SCIN: variants seen among roughly 807,000 people sequenced by gnomAD.
The protein encoded by SCIN is scinderin.
Under a neutral mutation model 91.8 loss-of-function variants are expected in SCIN, and 91 were observed. The observed-to-expected ratio is 0.99, with a 90% confidence interval of 0.84 to 1.18. SCIN has a LOEUF of 1.18. Ranked by LOEUF, SCIN falls within the 50% of genes most tolerant of loss-of-function variation. SCIN has a pLI of 0.00. For missense variants in SCIN, 1,087 were observed against 863.9 expected (o/e 1.26, Z -3.24); for synonymous variants, 367 against 312.6 (o/e 1.17, Z -1.84).
intron 9 of SCIN, among the ~76,000 whole-genome samples, chr7:12,634,289 C>T (rs1783703619): frequency 6.6e-6 from 1 of 151,806 alleles, no homozygotes; most frequent in Non-Finnish European, 1.5e-5. Flanking sequence ...AGTTTGAGAC[C>T]AGCCTGACCA....
Position 12,581,213 on chromosome 7 carries a change from C to T in SCIN, c.508C>T (p.Leu170Phe), listed in dbSNP as rs1782481295. 6.4e-7 allele frequency: 1 copy of T among 1,551,200 alleles called. No individual in the cohort carries two copies. The highest frequency in any genetic ancestry group is 2.4e-5 in the East Asian group (1 of 40,916). Residue 170 changes from leucine to phenylalanine, a missense_variant, in exon 3 of 16, where the codon CTT becomes TTT. By Grantham distance (22) the Leu-to-Phe change is conservative. Coordinates refer to ENST00000297029, the MANE Select transcript of SCIN (RefSeq NM_001112706.3). ...CAAGGGTGACTGCTTCATCATTGAC[C>T]TTGGCACCGTAAGTTTCATATATAC... ...FNKGDCFIIDLGTEIYQWCGS... is the reference protein window; with the variant it reads ...FNKGDCFIIDFGTEIYQWCGS...
chr7:12,581,025 T>G, intron 2 of SCIN, 35 bp from the exon 3 acceptor site: 1 of 1,543,122 alleles, frequency 6.5e-7, no homozygotes, highest in Non-Finnish European at 8.8e-7. Context: ...GTTTTCTCTT[T>G]GTTTTTTGTG....
Position 12,653,689 on chromosome 7 carries a change from A to C in SCIN, c.*974A>C, listed in dbSNP as rs936181881. The C allele has an allele frequency of 2.0e-5, 3 of 152,236 alleles. No individual in the cohort carries two copies. Among genetic ancestry groups the C allele is most frequent in the Non-Finnish European group, 2.9e-5 (2 of 68,034 alleles). 9.4% of individuals were successfully genotyped at this position (152,236 alleles called of 1,614,324 possible). On this transcript the variant is annotated 3_prime_UTR_variant, in exon 16 of 16. Coordinates refer to ENST00000297029, the MANE Select transcript of SCIN (RefSeq NM_001112706.3). This position sits in a 1 kb window ranked among gnomAD's most constrained non-coding sequence, Gnocchi z 4.1. ...ACATGTTTAATATCACAGGAGATCA[A>C]AAAGACAATGCACAGGGGAGTATCC...
chr7:12,601,358 AT>A (rs1782954618), intron 3 of SCIN, among the ~76,000 whole-genome samples: 1 of 152,142 alleles, frequency 6.6e-6, no homozygotes, highest in Non-Finnish European at 1.5e-5. Context: ...AGAAGAATCC[AT>A]TTCTCTGGAT....
intron 1 of SCIN, chr7:12,571,209 G>T (rs952107586): frequency 1.4e-5 from 8 of 575,412 alleles, no homozygotes; most frequent in African/African-American, 1.9e-5. Context: ...GACTTACCTC[G>T]CAGGCTTTGA....
chr7:12,640,382 A>G lies in SCIN; in HGVS notation c.1446A>G (p.Leu482=), dbSNP rs1175739223. ...CCCAAGGCAAAGAGCCTGTTCACCT[A>G]CTGAGTTTGTTCAAAGACAAACCGC... ...RVSQGKEPVH[L]LSLFKDKPLI... Residue 482 remains leucine, a synonymous_variant, in exon 11 of 16, where the codon CTA becomes CTG. Transcript: ENST00000297029. The G allele has an allele frequency of 1.2e-6, 2 of 1,611,320 alleles. No individual in the cohort carries two copies. The highest frequency in any genetic ancestry group is 1.1e-5 in the South Asian group (1 of 90,528).
chr7:12,622,689 C>T, intron 4 of SCIN, 112 bp from the exon 5 acceptor site: 4 of 735,364 alleles, frequency 5.4e-6, no homozygotes, highest in Non-Finnish European at 9.1e-6. Context: ...TGAGCCTGGT[C>T]ATTTTAATTG....
rs908315338 is a variant in SCIN at position 12,655,852 on chromosome 7, A to G, written c.*3137A>G. 2 of 152,166 alleles carry G rather than the reference A, an allele frequency of 1.3e-5. No individual in the cohort carries two copies. Among genetic ancestry groups the G allele is most frequent in the African/African-American group, 4.8e-5 (2 of 41,444 alleles). The allele number at this position is 152,166 out of a possible 1,614,324, so 9.4% of individuals were successfully genotyped here. On this transcript the variant is annotated 3_prime_UTR_variant, in exon 16 of 16. Transcript: ENST00000297029. ...TCTCTTCAAACCAATATATTGGCAT[A>G]TTTATCTAATATTTAATCAGAAGAA... is the stretch of plus-strand genomic sequence containing the variant.
intron 13 of SCIN, among the ~76,000 whole-genome samples, chr7:12,644,918 G>C (rs2115298992): frequency 1.3e-5 from 2 of 151,580 alleles, no homozygotes; most frequent in Admixed American, 6.6e-5. Context: ...GGAGGCTTGA[G>C]GCAGGAGAAT....
Position 12,622,789 on chromosome 7 carries a change from A to G in SCIN, c.667-12A>G. ...ATCTTTATCTTTGCATCCACTGCTC[A>G]CTTTTTTCCAGGTCTTAGGGGAAAA... On this transcript the variant is annotated splice_polypyrimidine_tract_variant and intron_variant, in intron 4 of 15. Coordinates refer to ENST00000297029, the MANE Select transcript of SCIN (RefSeq NM_001112706.3). 2 of 1,599,594 alleles carry G rather than the reference A, an allele frequency of 1.3e-6. No individual in the cohort carries two copies. The highest frequency in any genetic ancestry group is 1.7e-6 in the Non-Finnish European group (2 of 1,167,474).
In SCIN at chr7:12,642,322, C is replaced by A. The variant is rs537815125; in HGVS notation, c.1581+1805C>A. On this transcript the variant is annotated intron_variant, in intron 11 of 15. Coordinates refer to ENST00000297029, the MANE Select transcript of SCIN (RefSeq NM_001112706.3). Reference sequence around the variant, plus strand: ...ATTTCTATTTCATCATGATTGCAGGCAGTAATCTCCTTTCATTCTGTATTA... The same window carrying A: ...ATTTCTATTTCATCATGATTGCAGGAAGTAATCTCCTTTCATTCTGTATTA... Among the ~76,000 whole-genome samples, 25 of 152,110 alleles carry A rather than the reference C, an allele frequency of 1.6e-4. No individual in the cohort carries two copies. The South Asian group carries it at 4.4e-3, about 27-fold the overall frequency.
intron 3 of SCIN, among the ~76,000 whole-genome samples, chr7:12,594,264 G>A (rs758346812): frequency 6.6e-6 from 1 of 151,980 alleles, no homozygotes; most frequent in African/African-American, 2.4e-5. Flanking sequence ...TGATGCTGTC[G>A]AGGAGGGAGA....
intron 3 of SCIN, among the ~76,000 whole-genome samples, chr7:12,585,267 A>C (rs529097237): frequency 6.6e-6 from 1 of 151,914 alleles, no homozygotes; most frequent in African/African-American, 2.4e-5. Flanking sequence ...TTGTGTTGCA[A>C]CCCACACTTT....
Position 12,625,992 on chromosome 7 carries a change from G to C in SCIN, c.981+142G>C, listed in dbSNP as rs1583307721. 6 of 592,998 alleles carry C rather than the reference G, an allele frequency of 1.0e-5. No individual in the cohort carries two copies. In the South Asian group the frequency reaches 1.2e-4, roughly 12 times the overall value. The allele number at this position is 592,998 out of a possible 1,614,324, so 36.7% of individuals were successfully genotyped here. Reference sequence around the variant, plus strand: ...CCACCTGCCTGTCTGCTGCAATCTGGTGTCCCTCTTCTTTATCTGCGTGGG... The same window carrying C: ...CCACCTGCCTGTCTGCTGCAATCTGCTGTCCCTCTTCTTTATCTGCGTGGG... On this transcript the variant is annotated intron_variant, in intron 7 of 15. Transcript: ENST00000297029.
rs531096000 is a variant in SCIN at position 12,586,920 on chromosome 7, T to G, written c.516+5699T>G. Among the ~76,000 whole-genome samples, 438 of 152,112 alleles carry G rather than the reference T, an allele frequency of 2.9e-3. 2 individuals are homozygous for G. Among genetic ancestry groups the G allele is most frequent in the African/African-American group, 9.8e-3 (407 of 41,478 alleles). On this transcript the variant is annotated intron_variant, in intron 3 of 15. Transcript: ENST00000297029. ...GAGTAGAATTGTGGTTATGAGAGAT[T>G]GGGAAGGGTAGGGGGAGGGGAGGCT... is the stretch of plus-strand genomic sequence containing the variant.
intron 4 of SCIN, among the ~76,000 whole-genome samples, chr7:12,618,176 AT>A (rs1783337213): frequency 6.6e-6 from 1 of 152,136 alleles, no homozygotes; most frequent in Non-Finnish European, 1.5e-5. Flanking sequence ...TTAAGTTTAC[AT>A]TTAAATTCCT....
intron 13 of SCIN, among the ~76,000 whole-genome samples, chr7:12,647,758 T>C (rs1783994536): frequency 6.6e-6 from 1 of 152,242 alleles, no homozygotes; most frequent in African/African-American, 2.4e-5. Context: ...GTTTATTTTG[T>C]ATAACAATCT....
At chr7:12,581,718 T>C (rs1455807284) in intron 3 of SCIN, among the ~76,000 whole-genome samples, 1 of 152,216 alleles carries the variant, frequency 6.6e-6, no homozygotes, top group Non-Finnish European at 1.5e-5. Flanking sequence ...ATATCAAGTA[T>C]TATCTTAATG....
Position 12,634,703 on chromosome 7 carries a change from G to GT in SCIN, c.1320-1335dup, listed in dbSNP as rs1233606114. 4.6e-5 allele frequency among the ~76,000 whole-genome samples: 7 copies of GT among 152,106 alleles called. No homozygotes were observed. The East Asian group carries it at 1.2e-3, about 25-fold the overall frequency. On this transcript the variant is annotated intron_variant, in intron 9 of 15. Transcript: ENST00000297029. The stretch of plus-strand genomic sequence containing the variant: ...TTTACCATGTTTGGGGCTTTGTTTT[G>GT]TTTTTTTACTGTCTTCTCTACAAGC...
Sources: allele counts gnomAD v4.1 joint callset (sites outside exome capture counted in the v4.1 genomes callset), GRCh38; gene constraint gnomAD v4.1.1; non-coding constraint Gnocchi (gnomAD v3.1); transcripts MANE v1.5; gene names NCBI Gene and HGNC (gene_info 2026-07-23, HGNC 2026-07-21).